Variants in ZNF226 observed in about 807,000 individuals in gnomAD.
The protein encoded by ZNF226 is Kruppel-associated box protein.
A neutral mutation model predicts 11.4 loss-of-function variants in ZNF226; 6 were observed. The ratio of observed to expected loss-of-function variants is 0.53; its 90% CI spans 0.29 to 1.04. The LOEUF (loss-of-function observed/expected upper bound fraction) is 1.04. ZNF226 is among the 50% of genes least tolerant of loss of function. The pLI is 0.08. For missense variants in ZNF226, 1,058 were observed against 956.5 expected (o/e 1.11, Z -1.40); for synonymous variants, 350 against 322.8 (o/e 1.08, Z -0.90).
At chr19:44,175,268 T>C in intron 5 of ZNF226, 1 of 1,397,772 alleles carries the variant, frequency 7.2e-7, no homozygotes, top group Non-Finnish European at 9.2e-7. Flanking sequence ...GTTGTGTTTT[T>C]AAATGGGTTT....
At chr19:44,195,953 C>G in the ZNF226 span, among the ~76,000 whole-genome samples, 1 of 152,184 alleles carries the variant, frequency 6.6e-6, no homozygotes, top group Admixed American at 6.5e-5. Context: ...TGGCACACTA[C>G]AGCCTCAGGC....
rs1970773437 is a variant in ZNF226 at position 44,177,215 on chromosome 19, T to C, written c.1953T>C (p.Ser651=). 3.7e-6 allele frequency: 6 copies of C among 1,607,606 alleles called. No individual in the cohort carries two copies. Among genetic ancestry groups the C allele is most frequent in the African/African-American group, 1.4e-5 (1 of 72,608 alleles). The change falls in exon 6 of 6, where the codon AGT becomes AGC. Residue 651 remains serine, a synonymous_variant. Coordinates refer to ENST00000337433, the MANE Select transcript of ZNF226 (RefSeq NM_001032373.2). ...KPFKCEECGK[S]FGRSAHLQAH... ...TCAAATGTGAAGAATGTGGGAAGAG[T>C]TTCGGTCGGAGTGCACATCTTCAAG...
downstream of ZNF226, among the ~76,000 whole-genome samples, chr19:44,182,944 G>A (rs538146061): frequency 6.6e-6 from 1 of 152,284 alleles, no homozygotes; most frequent in South Asian, 2.1e-4. Flanking sequence ...ACATGAGAGA[G>A]AATTGTGGCC....
chr19:44,195,125 G>A, the ZNF226 span, among the ~76,000 whole-genome samples: 1 of 152,192 alleles, frequency 6.6e-6, no homozygotes, highest in East Asian at 1.9e-4. Context: ...AGAACACTTG[G>A]CCTTATACCA....
chr19:44,194,201 G>A, the ZNF226 span, among the ~76,000 whole-genome samples: 7 of 152,286 alleles, frequency 4.6e-5, no homozygotes, highest in East Asian at 1.9e-4. Context: ...CATGGGAGAC[G>A]TTTTCTTTGG....
intron 4 of ZNF226, 38 bp from the exon 5 acceptor site, chr19:44,172,822 T>TTA: frequency 6.6e-7 from 1 of 1,523,866 alleles, no homozygotes; most frequent in Non-Finnish European, 9.0e-7. Context: ...TTAACTCTAA[T>TTA]ATGTTCATTT....
At chr19:44,174,486 A>G (rs982501617) in intron 5 of ZNF226, 4 of 152,280 alleles carry the variant, frequency 2.6e-5, no homozygotes, top group South Asian at 2.1e-4. Context: ...TGCTTCTTCC[A>G]AAGTCCACAT....
At chr19:44,171,461 A>C (rs2122365127) in intron 3 of ZNF226, among the ~76,000 whole-genome samples, 1 of 152,266 alleles carries the variant, frequency 6.6e-6, no homozygotes, top group South Asian at 2.1e-4. Context: ...CTTAATTTAA[A>C]ATGCCTAGTG....
chr19:44,177,353 A>C lies in ZNF226; in HGVS notation c.2091A>C (p.Lys697Asn). The change falls in exon 6 of 6, where the codon AAA becomes AAC. Residue 697 changes from lysine to asparagine, a missense_variant. Coordinates refer to ENST00000337433, the MANE Select transcript of ZNF226 (RefSeq NM_001032373.2). ...ATCAGAGGGTGCACACAGGAGAAAAACCATATAAATGTGGGGAGTGTGGTA... is the reference window on the plus strand; with the variant it reads ...ATCAGAGGGTGCACACAGGAGAAAACCCATATAAATGTGGGGAGTGTGGTA... ...DMHQRVHTGEKPYKCGECGKY... is the reference protein window; with the variant it reads ...DMHQRVHTGENPYKCGECGKY... The C allele has an allele frequency of 6.2e-7, 1 of 1,614,046 alleles. No individual in the cohort carries two copies. The highest frequency in any genetic ancestry group is 1.1e-5 in the South Asian group (1 of 91,076).
the ZNF226 span, among the ~76,000 whole-genome samples, chr19:44,189,201 T>G: frequency 6.6e-6 from 1 of 152,170 alleles, no homozygotes; most frequent in Non-Finnish European, 1.5e-5. Context: ...CCACAGAAAT[T>G]TGACAGGCAA....
At chr19:44,172,670 C>T (rs1472244154) in intron 4 of ZNF226, 190 bp from the exon 5 acceptor site, 3 of 558,446 alleles carry the variant, frequency 5.4e-6, no homozygotes, top group African/African-American at 1.9e-5. Context: ...ACTTGGTTTT[C>T]ATAATATGTA....
At chr19:44,188,386 A>G in the ZNF226 span, among the ~76,000 whole-genome samples, 11 of 152,184 alleles carry the variant, frequency 7.2e-5, no homozygotes, top group Non-Finnish European at 1.0e-4. Context: ...GATCAAAAAT[A>G]TTTGAAAAGA....
intron 2 of ZNF226, among the ~76,000 whole-genome samples, chr19:44,168,184 T>C (rs1599718077): frequency 6.6e-6 from 1 of 152,172 alleles, no homozygotes; most frequent in African/African-American, 2.4e-5. Context: ...CTCATTCTTG[T>C]TGATAAATTG....
chr19:44,178,425 G>A (rs966791266), downstream of ZNF226: 3 of 152,108 alleles, frequency 2.0e-5, no homozygotes, highest in South Asian at 6.2e-4. Flanking sequence ...GTTGATCATT[G>A]GTTTTTTCAC....
chr19:44,176,676 G>C lies in ZNF226; in HGVS notation c.1414G>C (p.Glu472Gln), dbSNP rs745632015. 1.7e-5 allele frequency: 27 copies of C among 1,614,048 alleles called. No homozygotes were observed. In the South Asian group the frequency reaches 3.0e-4, roughly 18 times the overall value. The change falls in exon 6 of 6, where the codon GAG (glutamate) becomes CAG (glutamine). Residue 472 changes from glutamate (E) to glutamine (Q), a missense_variant. Physicochemically the swap from Glu to Gln is conservative, Grantham distance 29 (BLOSUM62 2). Transcript: ENST00000337433. ...LQAHQGVHTG[E>Q]KSYICTVCGK... ...GGCCCATCAGGGAGTTCACACTGGA[G>C]AGAAGTCATACATATGTACTGTATG...
downstream of ZNF226, among the ~76,000 whole-genome samples, chr19:44,181,730 C>T (rs768485691): frequency 1.3e-5 from 2 of 152,200 alleles, no homozygotes; most frequent in Middle Eastern, 6.8e-3. Flanking sequence ...TTAGAAGGAG[C>T]CCTTCTTCCT....
intron 2 of ZNF226, among the ~76,000 whole-genome samples, chr19:44,167,405 G>T (rs576240864): frequency 7.4e-6 from 1 of 134,516 alleles, no homozygotes; most frequent in Non-Finnish European, 1.5e-5. Context: ...TGCAACCTCC[G>T]CCTCCCAGGT....
Position 44,175,917 on chromosome 19 carries a change from A to AT in ZNF226, c.655_656insT (p.Lys219IlefsTer3), listed in dbSNP as rs766939297. 3.3e-5 allele frequency: 54 copies of AT among 1,613,424 alleles called. No individual in the cohort carries two copies. Among genetic ancestry groups the AT allele is most frequent in the Non-Finnish European group, 4.5e-5 (53 of 1,179,780 alleles). On this transcript the variant is annotated frameshift_variant, in exon 6 of 6. Transcript: ENST00000337433. LOFTEE classifies it low-confidence loss of function (END_TRUNC). ...ACATCATGATGGTCATAGAGTACAC[A>AT]AAAGTGAAAAATCTTATAGACCCAA...
the ZNF226 span, among the ~76,000 whole-genome samples, chr19:44,198,602 G>A: frequency 6.6e-6 from 1 of 152,254 alleles, no homozygotes; most frequent in East Asian, 1.9e-4. Flanking sequence ...TTTAATGCAA[G>A]TAACCAAAGA....
Sources: gnomAD v4.1 joint callset for allele counts (sites outside exome capture counted in the v4.1 genomes callset) on GRCh38, gnomAD v4.1.1 for gene constraint, MANE v1.5 for transcripts, NCBI Gene and HGNC (gene_info 2026-07-23, HGNC 2026-07-21) for gene names.